RHOBTB2: variants seen among roughly 807,000 people sequenced by gnomAD.
RHOBTB2 encodes rho-related BTB domain-containing protein 2.
In RHOBTB2, 39 loss-of-function variants were observed where a neutral mutation model predicts 66.5. The observed-to-expected ratio is 0.59, with a 90% CI of 0.45 to 0.77. The LOEUF (loss-of-function observed/expected upper bound fraction) is 0.77, where lower values mean the gene tolerates loss of function less well. RHOBTB2 is among the 30% of genes least tolerant of loss of function. The pLI is 0.00. For synonymous variants in RHOBTB2, 390 were observed against 395.0 expected, an observed-to-expected ratio of 0.99 and a Z score of 0.15; for missense variants, 755 against 999.1, an observed-to-expected ratio of 0.76 and a Z score of 3.29.
the RHOBTB2 span, among the ~76,000 whole-genome samples, chr8:22,961,737 C>T: frequency 1.3e-5 from 2 of 152,224 alleles, no homozygotes; most frequent in East Asian, 3.9e-4. Flanking sequence ...TCTATCTCTT[C>T]AGTCTTCCCA....
At chr8:22,991,724 G>A (rs1374483702) in intron 1 of RHOBTB2, among the ~76,000 whole-genome samples, 1 of 152,202 alleles carries the variant, frequency 6.6e-6, no homozygotes, top group Non-Finnish European at 1.5e-5. Context: ...CAGAGGGTAA[G>A]GGGGATGGCT....
At chr8:22,965,247 A>G in the RHOBTB2 span, among the ~76,000 whole-genome samples, 2 of 152,234 alleles carry the variant, frequency 1.3e-5, no homozygotes, top group Non-Finnish European at 2.9e-5. Flanking sequence ...TGACTTTAAA[A>G]ATAATTGTAA....
chr8:22,966,557 G>A, the RHOBTB2 span, among the ~76,000 whole-genome samples: 3 of 151,896 alleles, frequency 2.0e-5, no homozygotes, highest in South Asian at 2.1e-4. Flanking sequence ...AGCCAGGGTC[G>A]GAGGACTGAG....
chr8:22,970,650 G>C, the RHOBTB2 span, among the ~76,000 whole-genome samples: 1 of 151,702 alleles, frequency 6.6e-6, no homozygotes, highest in Non-Finnish European at 1.5e-5. Context: ...TGTGGAGACA[G>C]TATCTCACCC....
chr8:23,012,771 A>G (rs1013411404), intron 7 of RHOBTB2, among the ~76,000 whole-genome samples: 2 of 152,158 alleles, frequency 1.3e-5, no homozygotes, highest in African/African-American at 4.8e-5. Flanking sequence ...GGCCTGCCTC[A>G]TCACACCCAG....
At chr8:22,977,912 A>C in the RHOBTB2 span, 2 of 152,094 alleles carry the variant, frequency 1.3e-5, no homozygotes, top group Admixed American at 6.6e-5. Flanking sequence ...AGTCCCAGCT[A>C]CTGGGGAGGC....
At position 23,010,525 on chromosome 8, in the gene RHOBTB2, C is replaced by G. The variant is rs375138643; in HGVS notation, c.1621-13C>G. 4.3e-6 allele frequency: 7 copies of G among 1,610,348 alleles called. No individual in the cohort carries two copies. The highest frequency in any genetic ancestry group is 1.7e-5 in the Admixed American group (1 of 59,872). ...GGATCTCATTGCTGTCCGCTCACTC[C>G]TTCCCTCCCCAGGTGGTGTTTCCCT... On this transcript the variant is annotated splice_polypyrimidine_tract_variant and intron_variant, in intron 6 of 9. Coordinates refer to ENST00000251822, the MANE Select transcript of RHOBTB2 (RefSeq NM_015178.3).
the RHOBTB2 span, among the ~76,000 whole-genome samples, chr8:22,961,011 GCCTAAGAATGCTTCTGTA>G: frequency 6.6e-6 from 1 of 152,034 alleles, no homozygotes; most frequent in African/African-American, 2.4e-5. Context: ...CCTAAATTTG[GCCTAAGAATGCTTCTGTA>G]CCTGAGTCCT....
rs1398145312 is a variant in RHOBTB2, at chr8:23,007,209, C to A, written c.964C>A (p.His322Asn). ...CACCCACCCAGAGGACCACCAGGGC[C>A]ACTCTGATCAACACCACCACCATCA... ...GGTHPEDHQGHSDQHHHHHHH... is the reference protein window; with the variant it reads ...GGTHPEDHQGNSDQHHHHHHH... The change falls in exon 5 of 10, where the codon CAC becomes AAC. Residue 322 changes from histidine to asparagine, a missense_variant. Transcript: ENST00000251822. 1.9e-6 allele frequency: 3 copies of A among 1,606,516 alleles called. No homozygotes were observed. Among genetic ancestry groups the A allele is most frequent in the Non-Finnish European group, 1.7e-6 (2 of 1,179,008 alleles).
intron 1 of RHOBTB2, 56 bp downstream of exon 1, chr8:23,000,161 C>T (rs996090473): frequency 9.0e-5 from 88 of 977,962 alleles, no homozygotes; most frequent in Admixed American, 8.6e-4. Flanking sequence ...CTTGCAGACG[C>T]GCCGCTCCGC....
At chr8:22,954,476 C>T in the RHOBTB2 span, among the ~76,000 whole-genome samples, 12 of 152,118 alleles carry the variant, frequency 7.9e-5, no homozygotes, top group African/African-American at 2.9e-4. Flanking sequence ...AGCTATGTAT[C>T]GTTTTCTATT....
At chr8:22,963,359 G>A in the RHOBTB2 span, among the ~76,000 whole-genome samples, 1 of 152,262 alleles carries the variant, frequency 6.6e-6, no homozygotes, top group East Asian at 1.9e-4. Flanking sequence ...GAGAAATGAA[G>A]ACACATATTT....
the RHOBTB2 span, among the ~76,000 whole-genome samples, chr8:22,966,243 C>T: frequency 6.6e-6 from 1 of 151,882 alleles, no homozygotes; most frequent in Non-Finnish European, 1.5e-5. Context: ...GTCCCAGCTA[C>T]TTGGGAGGCT....
At chr8:22,972,844 A>G in the RHOBTB2 span, among the ~76,000 whole-genome samples, 1 of 152,180 alleles carries the variant, frequency 6.6e-6, no homozygotes, top group African/African-American at 2.4e-5. Context: ...CTTCCTCACA[A>G]GGCCCTTCCA....
At chr8:22,963,831 G>C in the RHOBTB2 span, among the ~76,000 whole-genome samples, 2 of 151,824 alleles carry the variant, frequency 1.3e-5, no homozygotes, top group Non-Finnish European at 2.9e-5. Context: ...GCCCAGGCTG[G>C]AGTGCAATGA....
intron 9 of RHOBTB2, among the ~76,000 whole-genome samples, chr8:23,016,031 A>G (rs1811282599): frequency 6.6e-6 from 1 of 152,192 alleles, no homozygotes. Context: ...TAAGAAATAC[A>G]TTTCATCTTG....
At chr8:22,987,845 C>CCACTCGTCATGAG (rs1255556971) in intron 1 of RHOBTB2, among the ~76,000 whole-genome samples, 8 of 152,170 alleles carry the variant, frequency 5.3e-5, no homozygotes, top group Admixed American at 5.2e-4. Context: ...TGGAGGGCTT[C>CCACTCGTCATGAG]CACTCGTCAT....
upstream of RHOBTB2, among the ~76,000 whole-genome samples, chr8:22,997,753 T>C (rs75723587): frequency 0.052 from 7,968 of 152,200 alleles, 671 homozygotes; most frequent in African/African-American, 0.18. Flanking sequence ...GCATCTGGCA[T>C]TCAGCTGGTC....
chr8:23,008,620 A>T (rs2128805390), intron 6 of RHOBTB2, among the ~76,000 whole-genome samples: 1 of 152,270 alleles, frequency 6.6e-6, no homozygotes, highest in Admixed American at 6.5e-5. Flanking sequence ...TTGATAAGAC[A>T]ACTTGTTACA....
Sources: allele counts gnomAD v4.1 joint callset (sites outside exome capture counted in the v4.1 genomes callset), GRCh38; gene constraint gnomAD v4.1.1; transcripts MANE v1.5; gene names NCBI Gene and HGNC (gene_info 2026-07-23, HGNC 2026-07-21).